The following THADA variants were observed in gnomAD, a reference collection of about 807,000 sequenced individuals.
THADA encodes the protein tRNA (32-2'-O)-methyltransferase regulator THADA.
THADA carries 213 observed loss-of-function variants against 219.8 expected under a neutral mutation model. The ratio of observed to expected loss-of-function variants is 0.97; its 90% CI spans 0.87 to 1.09. THADA has a LOEUF of 1.09. Among genes scored for constraint, THADA ranks in the 50% least tolerant of loss-of-function variants. The pLI is 0.00. For missense variants in THADA, 2,956 were observed against 2,311.3 expected (o/e 1.28, Z -5.72); for synonymous variants, 1,018 against 828.9 (o/e 1.23, Z -3.92).
rs146002125 is a variant in THADA, at chr2:43,290,748, C to G, written c.5010+948G>C. Among the ~76,000 whole-genome samples the G allele has an allele frequency of 2.5e-3, 380 of 152,038 alleles. 1 individual carries two copies. The highest frequency in any genetic ancestry group is 8.9e-3 in the African/African-American group (368 of 41,462). On this transcript the variant is annotated intron_variant, in intron 34 of 37. Coordinates refer to ENST00000405975, the MANE Select transcript of THADA (RefSeq NM_022065.5). ...CAGTGTGGCTGTGTGGAATCTGGAT[C>G]TTCAGGTAATTTTCCTGTGGTATTG... is the stretch of plus-strand genomic sequence containing the variant.
At chr2:43,590,179 T>G (rs974581618) in intron 4 of THADA, among the ~76,000 whole-genome samples, 1 of 152,170 alleles carries the variant, frequency 6.6e-6, no homozygotes, top group Non-Finnish European at 1.5e-5. Flanking sequence ...CATTTGAAAT[T>G]TTTATACCAA....
chr2:43,543,594 G>A (rs1695609018), intron 20 of THADA, among the ~76,000 whole-genome samples: 2 of 152,048 alleles, frequency 1.3e-5, no homozygotes, highest in African/African-American at 4.8e-5. Context: ...GTATCTCATT[G>A]TGGTTTTGAT....
intron 29 of THADA, among the ~76,000 whole-genome samples, chr2:43,352,804 T>C (rs546884972): frequency 6.6e-6 from 1 of 152,272 alleles, no homozygotes; most frequent in South Asian, 2.1e-4. Flanking sequence ...TTATTAACTA[T>C]AGTCCTAATA....
intron 28 of THADA, among the ~76,000 whole-genome samples, chr2:43,425,699 T>C (rs774386526): frequency 1.3e-5 from 2 of 152,178 alleles, no homozygotes; most frequent in Non-Finnish European, 2.9e-5. Flanking sequence ...ACATGGACAG[T>C]CAATAAGTCA....
intron 14 of THADA, among the ~76,000 whole-genome samples, chr2:43,569,304 G>A (rs758904077): frequency 2.0e-5 from 3 of 152,214 alleles, no homozygotes; most frequent in Non-Finnish European, 2.9e-5. Context: ...AGGCTTTGTA[G>A]AGAGATATAT....
rs769043453 is a variant in THADA, at chr2:43,560,229, G to A, written c.2463+5C>T. ...ACCACATTTATACTAGAAAAGTCCT[G>A]ATACCTGAAAATGTACAGCTGTTTT... On this transcript the variant is annotated splice_donor_5th_base_variant and intron_variant, in intron 16 of 37. Transcript: ENST00000405975. The A allele has an allele frequency of 1.2e-6, 2 of 1,608,766 alleles. No homozygotes were observed. The highest frequency in any genetic ancestry group is 1.1e-5 in the South Asian group (1 of 89,776).
At chr2:43,572,372 C>G (rs1428793432) in intron 12 of THADA, among the ~76,000 whole-genome samples, 1 of 152,196 alleles carries the variant, frequency 6.6e-6, no homozygotes, top group Non-Finnish European at 1.5e-5. Flanking sequence ...ACACTCCACC[C>G]CTGATAAGCA....
chr2:43,345,363 A>G (rs1667522213), intron 29 of THADA, among the ~76,000 whole-genome samples: 1 of 152,250 alleles, frequency 6.6e-6, no homozygotes, highest in Non-Finnish European at 1.5e-5. Context: ...AGACGTCTGC[A>G]ATCACCAACA....
At chr2:43,515,029 A>G (rs1273380728) in intron 22 of THADA, among the ~76,000 whole-genome samples, 1 of 33,950 alleles carries the variant, frequency 2.9e-5, no homozygotes, top group Non-Finnish European at 4.7e-5. Flanking sequence ...TTTTATATAT[A>G]ATATATATAA....
intron 35 of THADA, 71 bp from the exon 36 acceptor site, chr2:43,279,967 T>C: frequency 1.1e-5 from 15 of 1,374,870 alleles, no homozygotes; most frequent in Non-Finnish European, 1.4e-5. Flanking sequence ...CTGCTTCAAA[T>C]CCCTGGTGGA....
At chr2:43,333,248 G>C (rs192429583) in intron 30 of THADA, 2 of 152,266 alleles carry the variant, frequency 1.3e-5, no homozygotes, top group East Asian at 3.9e-4. Context: ...CATGACCTTA[G>C]ACATTCCTGA....
At chr2:43,571,937 T>A (rs1041703851) in intron 12 of THADA, 75 bp from the exon 13 acceptor site, 1 of 1,404,514 alleles carries the variant, frequency 7.1e-7, no homozygotes, top group East Asian at 2.3e-5. Flanking sequence ...ATTGCTTACT[T>A]ACATAGGCTA....
intron 29 of THADA, among the ~76,000 whole-genome samples, chr2:43,347,936 G>A (rs897696324): frequency 6.6e-6 from 1 of 152,210 alleles, no homozygotes; most frequent in East Asian, 1.9e-4. Context: ...GAGTGCTGTT[G>A]GGTGATGAGA....
intron 35 of THADA, among the ~76,000 whole-genome samples, chr2:43,284,355 C>T (rs1403926312): frequency 1.3e-5 from 2 of 152,064 alleles, no homozygotes; most frequent in African/African-American, 4.8e-5. Context: ...CAGGACACAG[C>T]ACGCTGTGTC....
intron 28 of THADA, among the ~76,000 whole-genome samples, chr2:43,409,084 A>C (rs1675955784): frequency 6.6e-6 from 1 of 152,196 alleles, no homozygotes; most frequent in Non-Finnish European, 1.5e-5. Context: ...AATCTCATTA[A>C]TTATTTTGCA....
chr2:43,400,844 AGAGAATTAAGACCATGTG>A (rs1674744865), intron 28 of THADA, among the ~76,000 whole-genome samples: 1 of 152,164 alleles, frequency 6.6e-6, no homozygotes, highest in South Asian at 2.1e-4. Context: ...AGCCCCAAAA[AGAGAATTAAGACCATGTG>A]GTGAATTCTG....
chr2:43,292,798 A>C (rs755998886), intron 32 of THADA, 36 bp downstream of exon 32: 3 of 1,582,462 alleles, frequency 1.9e-6, no homozygotes, highest in African/African-American at 1.3e-5. Flanking sequence ...GAATGTGGGG[A>C]GTGTAAAGGG....
intron 26 of THADA, among the ~76,000 whole-genome samples, chr2:43,452,665 G>C (rs1304236517): frequency 6.6e-6 from 1 of 152,194 alleles, no homozygotes; most frequent in Non-Finnish European, 1.5e-5. Flanking sequence ...GGTCAGGTTA[G>C]ATTAAGGTTC....
rs1197357988 is a variant in THADA, at chr2:43,570,505, A to G, written c.2070T>C (p.Phe690=). 6.2e-7 allele frequency: 1 copy of G among 1,605,366 alleles called. No homozygotes were observed. Among genetic ancestry groups the G allele is most frequent in the Non-Finnish European group, 8.5e-7 (1 of 1,177,698 alleles). ...CCTGAGAACTTTCCTGTATCCTACA[A>G]AACAACTTTTGAAACAAAGGAAATG... ...QQICSLLKKL[F]CRIQESSQVL... is the part of the protein sequence containing the mutation. Residue 690 remains phenylalanine (F), a synonymous_variant, in exon 14 of 38, where the codon TTT becomes TTC. Coordinates refer to ENST00000405975, the MANE Select transcript of THADA (RefSeq NM_022065.5).
Sources: allele counts gnomAD v4.1 joint callset (sites outside exome capture counted in the v4.1 genomes callset), GRCh38; gene constraint gnomAD v4.1.1; transcripts MANE v1.5; gene names NCBI Gene and HGNC (gene_info 2026-07-23, HGNC 2026-07-21).